Variants in DMD observed in about 807,000 individuals in gnomAD.
The protein encoded by DMD is mutant dystrophin.
Under a neutral mutation model 330.1 loss-of-function variants are expected in DMD, and 63 were observed. The ratio of observed to expected loss-of-function variants is 0.19; its 90% CI spans 0.16 to 0.24. The LOEUF is 0.24. DMD is among the 10% of genes least tolerant of loss of function. DMD has a pLI of 1.00. For missense variants in DMD, 3,344 were observed against 2,684.1 expected, an observed-to-expected ratio of 1.25 and a Z score of -5.43; for synonymous variants, 1,223 against 959.8, an observed-to-expected ratio of 1.27 and a Z score of -5.07.
At chrX:31,941,103 T>G (rs1194412313) in intron 45 of DMD, among the ~76,000 whole-genome samples, 1 of 111,967 alleles carries the variant, frequency 8.9e-6, no homozygotes, top group Non-Finnish European at 1.9e-5. Context: ...GATTTTTGTG[T>G]GTGCTGTCTA....
At chrX:33,036,752 C>A (rs1223303099) in intron 1 of DMD, among the ~76,000 whole-genome samples, 3 of 110,258 alleles carry the variant, frequency 2.7e-5, no homozygotes, top group African/African-American at 9.9e-5. Flanking sequence ...ATATGTAATT[C>A]AATGTAATTC....
chrX:32,162,947 ACT>A (rs1259157939), intron 44 of DMD, among the ~76,000 whole-genome samples: 1 of 110,197 alleles, frequency 9.1e-6, no homozygotes, highest in African/African-American at 3.3e-5. Flanking sequence ...CACACAGATG[ACT>A]CTCAAATCTG....
chrX:32,814,793 G>A (rs1290045989), intron 6 of DMD, among the ~76,000 whole-genome samples: 1 of 111,470 alleles, frequency 9.0e-6, no homozygotes, highest in Non-Finnish European at 1.9e-5. Flanking sequence ...CAAATATAGA[G>A]TGGGAACATG....
In DMD at chrX:32,468,555, C is replaced by T. The variant is rs2040292349; in HGVS notation, c.3105G>A (p.Gln1035=). ...IEGRWKKLSS[Q]LVEHCQKLEE... Reference sequence around the variant, plus strand: ...CTAGCTTTTGACAATGCTCAACCAGCTGGGAGGAGAGCTTCTTCCAGCGTC... The same window carrying T: ...CTAGCTTTTGACAATGCTCAACCAGTTGGGAGGAGAGCTTCTTCCAGCGTC... The change falls in exon 23 of 79, where the codon CAG becomes CAA. Residue 1035 remains glutamine (Q), a synonymous_variant. Transcript: ENST00000357033. The T allele has an allele frequency of 8.3e-7, 1 of 1,210,609 alleles. No individual in the cohort carries two copies. Among genetic ancestry groups the T allele is most frequent in the Non-Finnish European group, 1.1e-6 (1 of 895,009 alleles).
At chrX:33,077,455 A>G (rs1275695341) in intron 1 of DMD, among the ~76,000 whole-genome samples, 1 of 111,142 alleles carries the variant, frequency 9.0e-6, no homozygotes, top group African/African-American at 3.3e-5. Context: ...CTTTAACCCT[A>G]AGGTATAGGC....
chrX:32,825,807 C>T (rs1372120812), intron 4 of DMD, among the ~76,000 whole-genome samples: 1 of 110,913 alleles, frequency 9.0e-6, no homozygotes, highest in Non-Finnish European at 1.9e-5. Context: ...ATATGAGGTA[C>T]CTAAAATAGC....
chrX:32,225,930 C>G (rs777454586), intron 43 of DMD, among the ~76,000 whole-genome samples: 1 of 111,608 alleles, frequency 9.0e-6, no homozygotes, highest in African/African-American at 3.3e-5. Flanking sequence ...GCAAGAATGG[C>G]CTAATCCAGT....
intron 2 of DMD, among the ~76,000 whole-genome samples, chrX:32,963,463 T>G (rs1161875506): frequency 1.8e-5 from 2 of 112,191 alleles, no homozygotes; most frequent in African/African-American, 6.5e-5. Context: ...AAATCTCTGG[T>G]CAGATTGAAA....
chrX:32,340,070 C>T (rs141778967), intron 41 of DMD, among the ~76,000 whole-genome samples: 1,670 of 111,886 alleles, frequency 0.015, 33 homozygotes, highest in African/African-American at 0.051. Context: ...AATGCATTGA[C>T]AATTGGTCAA....
At chrX:32,819,695 T>G (rs759147682) in intron 5 of DMD, among the ~76,000 whole-genome samples, 86 of 110,499 alleles carry the variant, frequency 7.8e-4, no homozygotes, top group Middle Eastern at 4.7e-3. Context: ...TATGTTGCAT[T>G]AGAAAAAGGG....
intron 55 of DMD, among the ~76,000 whole-genome samples, chrX:31,576,766 T>C (rs905423483): frequency 9.1e-6 from 1 of 109,358 alleles, no homozygotes; most frequent in Non-Finnish European, 1.9e-5. Flanking sequence ...GTTGTTTTTT[T>C]TTGACAGAGT....
intron 43 of DMD, among the ~76,000 whole-genome samples, chrX:32,271,016 C>A (rs1002827125): frequency 9.0e-6 from 1 of 111,223 alleles, no homozygotes; most frequent in African/African-American, 3.3e-5. Context: ...AAGTTAGCAT[C>A]TACGTCCTTA....
intron 48 of DMD, among the ~76,000 whole-genome samples, chrX:31,851,340 T>C (rs1312552103): frequency 9.0e-6 from 1 of 111,421 alleles, no homozygotes; most frequent in African/African-American, 3.3e-5. Flanking sequence ...TGTCCAAATA[T>C]ACAAAGCATA....
At position 32,595,814 on chromosome X, in the gene DMD, C is replaced by G. The variant is rs141590890; in HGVS notation, c.1545G>C (p.Val515=). 4.2e-6 allele frequency: 5 copies of G among 1,203,558 alleles called. No homozygotes were observed. The highest frequency in any genetic ancestry group is 5.6e-6 in the Non-Finnish European group (5 of 888,135). Reference sequence around the variant, plus strand: ...GATCTCCACTAGATTCATCAACTACCACCACCATGTGAGTGAGAGAATTGA... The same window carrying G: ...GATCTCCACTAGATTCATCAACTACGACCACCATGTGAGTGAGAGAATTGA... ...VRVNSLTHMV[V]VVDESSGDHA... Residue 515 remains valine, a synonymous_variant, in exon 13 of 79, where the codon GTG becomes GTC. Transcript: ENST00000357033.
chrX:32,883,205 C>T (rs1228287228), intron 2 of DMD, among the ~76,000 whole-genome samples: 1 of 111,879 alleles, frequency 8.9e-6, no homozygotes, highest in African/African-American at 3.3e-5. Flanking sequence ...GGTAATTCTG[C>T]TTAGAAAGTT....
intron 1 of DMD, among the ~76,000 whole-genome samples, chrX:33,277,548 T>C (rs1035340817): frequency 9.0e-6 from 1 of 110,678 alleles, no homozygotes; most frequent in Non-Finnish European, 1.9e-5. Context: ...CCTTATGAGA[T>C]GCATGCCCTG....
intron 52 of DMD, among the ~76,000 whole-genome samples, chrX:31,709,751 A>G (rs1476457583): frequency 9.0e-6 from 1 of 111,020 alleles, no homozygotes; most frequent in African/African-American, 3.3e-5. Context: ...AGAGTTCTAA[A>G]TGGCATATTT....
chrX:31,270,367 G>A (rs2051533454), intron 62 of DMD, among the ~76,000 whole-genome samples: 1 of 111,203 alleles, frequency 9.0e-6, no homozygotes, highest in Admixed American at 9.6e-5. Context: ...GGGGACTACT[G>A]ATAGAGGAGA....
At position 32,780,458 on chromosome X, in the gene DMD, A is replaced by G. The variant is rs184620136; in HGVS notation, c.649+29035T>C. On this transcript the variant is annotated intron_variant, in intron 7 of 78. Transcript: ENST00000357033. ...CTGAGAACCTTCTGCAGCTTCTTGT[A>G]TATCAAACCACAGGTATATGTTTTA... 2.6e-3 allele frequency among the ~76,000 whole-genome samples: 294 copies of G among 112,302 alleles called. 1 individual carries two copies. Among genetic ancestry groups the G allele is most frequent in the African/African-American group, 9.1e-3 (282 of 30,931 alleles).
Sources: allele counts gnomAD v4.1 joint callset (sites outside exome capture counted in the v4.1 genomes callset), GRCh38; gene constraint gnomAD v4.1.1; transcripts MANE v1.5; gene names NCBI Gene and HGNC (gene_info 2026-07-23, HGNC 2026-07-21).